The following DLD variants were observed in gnomAD, a reference collection of about 807,000 sequenced individuals.
DLD encodes dihydrolipoyl dehydrogenase, mitochondrial.
DLD carries 36 observed loss-of-function variants against 62.2 expected under a neutral mutation model. The observed-to-expected ratio is 0.58, with a 90% CI of 0.44 to 0.76. The LOEUF (loss-of-function observed/expected upper bound fraction) is 0.76. DLD is among the 30% of genes least tolerant of loss of function. The probability of loss-of-function intolerance (pLI) is 0.00; values close to 1 mark genes in which losing one functional copy is unlikely to be tolerated. For synonymous variants in DLD, 204 were observed against 199.6 expected (o/e 1.02, Z -0.19); for missense variants, 541 against 608.6 (o/e 0.89, Z 1.17).
chr7:107,904,731 T>C, intron 5 of DLD: 2 of 613,924 alleles, frequency 3.3e-6, no homozygotes, highest in South Asian at 3.1e-5. Context: ...TATTTTGGAC[T>C]GCCTTTTTAC....
chr7:107,895,920 C>G (rs1008367689), intron 2 of DLD, among the ~76,000 whole-genome samples: 15 of 152,040 alleles, frequency 9.9e-5, no homozygotes, highest in Non-Finnish European at 1.8e-4. Context: ...CCTCCAAGAG[C>G]CTAAAGTAGT....
rs765771763 is a variant in DLD at position 107,917,917 on chromosome 7, G to C, written c.1237-7G>C. Reference sequence around the variant, plus strand: ...TTACGTAGATTCTTTTTTTCTGACTGTCACAGGGTATTGAGTACAAAGTTG... The same window carrying C: ...TTACGTAGATTCTTTTTTTCTGACTCTCACAGGGTATTGAGTACAAAGTTG... On this transcript the variant is annotated splice_polypyrimidine_tract_variant and splice_region_variant and intron_variant, in intron 11 of 13. Transcript: ENST00000205402. 3.1e-6 allele frequency: 5 copies of C among 1,613,868 alleles called. No homozygotes were observed. In the South Asian group the frequency reaches 4.4e-5, roughly 14 times the overall value.
At chr7:107,891,697 A>G (rs914143723) in intron 1 of DLD, 1 of 295,898 alleles carries the variant, frequency 3.4e-6, no homozygotes, top group South Asian at 3.2e-5. Context: ...GAGTGGCCTA[A>G]GTTTATGCAG....
At chr7:107,917,246 T>C in intron 10 of DLD, 27 bp from the exon 11 acceptor site, 4 of 1,612,362 alleles carry the variant, frequency 2.5e-6, no homozygotes, top group Non-Finnish European at 3.4e-6. Flanking sequence ...CAGAAATTCA[T>C]TGTGTTTCTT....
chr7:107,920,664 GT>G lies in DLD; in HGVS notation c.*1408del, dbSNP rs544763179. 3.9e-5 allele frequency: 6 copies of G among 152,290 alleles called. No homozygotes were observed. Among genetic ancestry groups the G allele is most frequent in the Admixed American group, 3.9e-4 (6 of 15,288 alleles). 9.4% of individuals were successfully genotyped at this position (152,290 alleles called of 1,614,324 possible). A position where few individuals can be genotyped will look rare whatever the true frequency, so the allele number is the denominator to read the frequency against. On this transcript the variant is annotated 3_prime_UTR_variant, in exon 14 of 14. Transcript: ENST00000205402. ...CTTCTGTGCCTCCTGTTTTTTGGGGGTTTCCCCTTTATGTTCCAGCTGTTGT... is the reference window on the plus strand; with the variant it reads ...CTTCTGTGCCTCCTGTTTTTTGGGGGTTCCCCTTTATGTTCCAGCTGTTGT...
At chr7:107,903,310 G>A (rs112791286) in intron 4 of DLD, among the ~76,000 whole-genome samples, 168 bp from the exon 5 acceptor site, 7 of 152,180 alleles carry the variant, frequency 4.6e-5, no homozygotes, top group African/African-American at 4.8e-5. Flanking sequence ...CCCGGGAGGC[G>A]GAGGTTGCGG....
rs1406495040 is a variant in DLD at position 107,918,020 on chromosome 7, A to G, written c.1333A>G (p.Lys445Glu). 3 of 1,613,998 alleles carry G rather than the reference A, an allele frequency of 1.9e-6. No homozygotes were observed. In the East Asian group the frequency reaches 6.7e-5, roughly 36 times the overall value. Residue 445 changes from lysine to glutamate, a missense_variant, in exon 12 of 14, where the codon AAA (lysine) becomes GAA (glutamate). Lys to Glu is a moderately conservative substitution (Grantham distance 56). Coordinates refer to ENST00000205402, the MANE Select transcript of DLD (RefSeq NM_000108.5). ...TDGMVKILGQKSTDRVLGAHI... is the reference protein window; with the variant it reads ...TDGMVKILGQESTDRVLGAHI... Reference sequence around the variant, plus strand: ...TGGCATGGTGAAGATCCTTGGGCAGAAATCGACAGACAGAGTACTGGGAGC... The same window carrying G: ...TGGCATGGTGAAGATCCTTGGGCAGGAATCGACAGACAGAGTACTGGGAGC...
Position 107,902,349 on chromosome 7 carries a change from A to G in DLD, c.223A>G (p.Thr75Ala), listed in dbSNP as rs1164413792. ...FKTVCIEKNE[T>A]LGGTCLNVGC... Reference sequence around the variant, plus strand: ...GACAGTCTGCATTGAGAAAAATGAAACACTTGGTGGAACATGCTTGAATGT... The same window carrying G: ...GACAGTCTGCATTGAGAAAAATGAAGCACTTGGTGGAACATGCTTGAATGT... Residue 75 changes from threonine (T) to alanine (A), a missense_variant, in exon 4 of 14, where the codon ACA becomes GCA. Thr to Ala is a moderately conservative substitution (Grantham distance 58). Coordinates refer to ENST00000205402, the MANE Select transcript of DLD (RefSeq NM_000108.5). The G allele has an allele frequency of 6.2e-7, 1 of 1,613,856 alleles. No homozygotes were observed. Among genetic ancestry groups the G allele is most frequent in the Non-Finnish European group, 8.5e-7 (1 of 1,179,864 alleles).
chr7:107,911,783 AATCAGGGTAATTAGGCT>A (rs894261198), intron 8 of DLD, among the ~76,000 whole-genome samples: 8 of 152,234 alleles, frequency 5.3e-5, no homozygotes, highest in Non-Finnish European at 8.8e-5. Flanking sequence ...CATATAATTA[AATCAGGGTAATTAGGCT>A]ATCCATCACC....
At chr7:107,908,677 A>AAC (rs200621616) in intron 8 of DLD, among the ~76,000 whole-genome samples, 1 of 151,614 alleles carries the variant, frequency 6.6e-6, no homozygotes, top group African/African-American at 2.4e-5. Flanking sequence ...AAAAAAAAAA[A>AAC]AAAACCCCAA....
chr7:107,898,057 C>A (rs552285505), intron 2 of DLD, among the ~76,000 whole-genome samples: 2 of 151,784 alleles, frequency 1.3e-5, no homozygotes, highest in Non-Finnish European at 2.9e-5. Flanking sequence ...ACATTAATTG[C>A]CTTGTTTAAG....
chr7:107,912,385 G>A, intron 8 of DLD, among the ~76,000 whole-genome samples: 1 of 152,130 alleles, frequency 6.6e-6, no homozygotes, highest in South Asian at 2.1e-4. Context: ...TTTATTTTTA[G>A]TTTTTTGAGG....
chr7:107,906,061 G>A (rs151241909), intron 7 of DLD, among the ~76,000 whole-genome samples: 1 of 152,240 alleles, frequency 6.6e-6, no homozygotes, highest in African/African-American at 2.4e-5. Flanking sequence ...TGCTATGCAA[G>A]TAGTTCCTAT....
At chr7:107,899,217 T>C (rs1421718162) in intron 2 of DLD, among the ~76,000 whole-genome samples, 1 of 151,816 alleles carries the variant, frequency 6.6e-6, no homozygotes, top group Non-Finnish European at 1.5e-5. Context: ...TATACCCTCC[T>C]GTATTCTCAG....
rs2032358012 is a variant in DLD, at chr7:107,919,552, C to T, written c.*293C>T. On this transcript the variant is annotated 3_prime_UTR_variant, in exon 14 of 14. Coordinates refer to ENST00000205402, the MANE Select transcript of DLD (RefSeq NM_000108.5). The stretch of plus-strand genomic sequence containing the variant: ...ATGCTGTTCATGAAAGATTCAATGC[C>T]CCTGAATTTAAATAGCTTTTTTCTC... The T allele has an allele frequency of 4.2e-6, 1 of 237,454 alleles. No individual in the cohort carries two copies. Among genetic ancestry groups the T allele is most frequent in the Admixed American group, 5.1e-5 (1 of 19,546 alleles). The allele number at this position is 237,454 out of a possible 1,614,324, so 14.7% of individuals were successfully genotyped here. A position where few individuals can be genotyped will look rare whatever the true frequency, so the allele number is the denominator to read the frequency against.
chr7:107,914,985 C>A (rs541262264), intron 8 of DLD, among the ~76,000 whole-genome samples: 22 of 152,126 alleles, frequency 1.4e-4, no homozygotes, highest in Non-Finnish European at 2.9e-4. Flanking sequence ...TTTGTACTTG[C>A]TGTTTCCCTC....
chr7:107,891,626 T>C (rs1008762485), intron 1 of DLD: 31 of 507,414 alleles, frequency 6.1e-5, no homozygotes, highest in African/African-American at 5.6e-4. Flanking sequence ...AAGCCACCCA[T>C]GTCCCGTATA....
At chr7:107,910,540 C>T (rs2032115076) in intron 8 of DLD, among the ~76,000 whole-genome samples, 1 of 152,058 alleles carries the variant, frequency 6.6e-6, no homozygotes, top group African/African-American at 2.4e-5. Context: ...TTTTGCCTTT[C>T]TTCCATTCCA....
At chr7:107,900,338 A>C (rs187192314) in intron 2 of DLD, among the ~76,000 whole-genome samples, 1 of 152,276 alleles carries the variant, frequency 6.6e-6, no homozygotes, top group African/African-American at 2.4e-5. Flanking sequence ...GCAAATTAAA[A>C]TAGTCTTCTT....
Sources: gnomAD v4.1 joint callset for allele counts (sites outside exome capture counted in the v4.1 genomes callset) on GRCh38, gnomAD v4.1.1 for gene constraint, MANE v1.5 for transcripts, NCBI Gene and HGNC (gene_info 2026-07-23, HGNC 2026-07-21) for gene names.